Variants in LRRC37A2 observed in about 807,000 individuals in gnomAD.
LRRC37A2 encodes the protein leucine-rich repeat-containing protein 37A2.
A neutral mutation model predicts 68.8 loss-of-function variants in LRRC37A2; 9 were observed. The observed-to-expected ratio is 0.13, with a 90% CI of 0.08 to 0.23. The LOEUF is 0.23. Ranked by LOEUF, LRRC37A2 falls within the 10% of genes least tolerant of loss-of-function variation. The probability of loss-of-function intolerance (pLI) is 1.00; values close to 1 mark genes in which losing one functional copy is unlikely to be tolerated. For missense variants in LRRC37A2, 168 were observed against 950.4 expected (o/e 0.18, Z 10.82); for synonymous variants, 63 against 367.6 (o/e 0.17, Z 9.48).
chr17:46,795,544 A>G, the LRRC37A2 span, among the ~76,000 whole-genome samples: 1 of 152,168 alleles, frequency 6.6e-6, no homozygotes, highest in African/African-American at 2.4e-5. Flanking sequence ...CCTCAGGAAC[A>G]TGTGGCTACC....
At chr17:47,017,520 C>T in the LRRC37A2 span, 8 of 1,590,156 alleles carry the variant, frequency 5.0e-6, no homozygotes, top group Admixed American at 3.4e-5. Context: ...GGTTCCATTC[C>T]TGGACACCTG....
At chr17:46,802,746 C>T in the LRRC37A2 span, among the ~76,000 whole-genome samples, 9 of 152,298 alleles carry the variant, frequency 5.9e-5, no homozygotes, top group African/African-American at 9.6e-5. Flanking sequence ...TAGCGGAACA[C>T]GTGGAGGTTC....
At chr17:46,978,887 CT>C in the LRRC37A2 span, 1 of 1,538,884 alleles carries the variant, frequency 6.5e-7, no homozygotes, top group Non-Finnish European at 8.7e-7. Context: ...GGTGCGCCCC[CT>C]GGACAGCAGC....
At chr17:46,979,058 G>A in the LRRC37A2 span, 1 of 1,330,500 alleles carries the variant, frequency 7.5e-7, no homozygotes, top group Non-Finnish European at 9.5e-7. Context: ...GCACTGGGCT[G>A]CTCGCCGGGG....
chr17:46,875,419 G>A, the LRRC37A2 span: 2 of 1,514,324 alleles, frequency 1.3e-6, no homozygotes, highest in Non-Finnish European at 1.8e-6. Context: ...TACACAGCTG[G>A]GGAGCATGGC....
At chr17:46,889,513 T>G in the LRRC37A2 span, among the ~76,000 whole-genome samples, 1 of 152,184 alleles carries the variant, frequency 6.6e-6, no homozygotes, top group African/African-American at 2.4e-5. Flanking sequence ...GTCATGGCCA[T>G]CAGCCCCCAG....
the LRRC37A2 span, among the ~76,000 whole-genome samples, chr17:46,915,686 C>G: frequency 6.6e-6 from 1 of 152,346 alleles, no homozygotes; most frequent in African/African-American, 2.4e-5. Context: ...TGGCTGGGAT[C>G]ATCCCAGTTG....
the LRRC37A2 span, among the ~76,000 whole-genome samples, chr17:46,869,716 G>A: frequency 1.3e-5 from 2 of 152,170 alleles, no homozygotes; most frequent in Non-Finnish European, 2.9e-5. Context: ...AACACAGCTT[G>A]GGCAGGGTGC....
At chr17:46,712,405 T>A in the LRRC37A2 span, among the ~76,000 whole-genome samples, 2 of 152,138 alleles carry the variant, frequency 1.3e-5, no homozygotes, top group Admixed American at 6.5e-5. Context: ...CCTAGAAATA[T>A]TTGTTAGATT....
At chr17:46,671,939 C>T in the LRRC37A2 span, among the ~76,000 whole-genome samples, 2 of 143,758 alleles carry the variant, frequency 1.4e-5, no homozygotes, top group Non-Finnish European at 3.1e-5. Flanking sequence ...TAAGCACGGT[C>T]CATAAATTAA....
At chr17:46,845,803 T>C in the LRRC37A2 span, among the ~76,000 whole-genome samples, 1 of 147,834 alleles carries the variant, frequency 6.8e-6, no homozygotes, top group East Asian at 2.0e-4. Context: ...TTTTTTTTTT[T>C]TTTTTGAGAT....
chr17:47,025,958 TG>T, the LRRC37A2 span, among the ~76,000 whole-genome samples: 1 of 134,146 alleles, frequency 7.5e-6, no homozygotes, highest in African/African-American at 2.9e-5. Context: ...GTTTTAAACA[TG>T]GTGGGCAATG....
At chr17:46,977,142 TCC>T in the LRRC37A2 span, among the ~76,000 whole-genome samples, 5 of 151,924 alleles carry the variant, frequency 3.3e-5, no homozygotes, top group Non-Finnish European at 5.9e-5. Context: ...TTCGAGAAAC[TCC>T]CCCACCCCAC....
the LRRC37A2 span, among the ~76,000 whole-genome samples, chr17:46,827,240 C>G: frequency 8.5e-5 from 13 of 152,188 alleles, no homozygotes; most frequent in African/African-American, 3.1e-4. Context: ...TGATCTAAGT[C>G]AATCACGGGG....
chr17:46,866,755 G>A, the LRRC37A2 span, among the ~76,000 whole-genome samples: 624 of 152,178 alleles, frequency 4.1e-3, 1 homozygote, highest in African/African-American at 0.014. Context: ...GCATTACCTG[G>A]TGCCCTAGAA....
At chr17:46,772,696 G>A in the LRRC37A2 span, among the ~76,000 whole-genome samples, 3 of 152,186 alleles carry the variant, frequency 2.0e-5, no homozygotes, top group Non-Finnish European at 4.4e-5. Context: ...CTGTAGGTGG[G>A]ACAGACCCTG....
chr17:46,721,406 C>G, the LRRC37A2 span, among the ~76,000 whole-genome samples: 1 of 152,112 alleles, frequency 6.6e-6, no homozygotes. Flanking sequence ...TTCTTCAGTT[C>G]TTCCTGTTTT....
chr17:47,012,905 C>T, the LRRC37A2 span, among the ~76,000 whole-genome samples: 5 of 152,178 alleles, frequency 3.3e-5, no homozygotes, highest in South Asian at 2.1e-4. Flanking sequence ...AAAACTTATA[C>T]GTGAATGTCC....
chr17:46,883,224 C>T, the LRRC37A2 span, among the ~76,000 whole-genome samples: 2 of 150,674 alleles, frequency 1.3e-5, no homozygotes, highest in South Asian at 2.1e-4. Context: ...CCTCGTGATC[C>T]GCCCACCTCA....
Sources: gnomAD v4.1 joint callset for allele counts (sites outside exome capture counted in the v4.1 genomes callset) on GRCh38, gnomAD v4.1.1 for gene constraint, MANE v1.5 for transcripts, NCBI Gene and HGNC (gene_info 2026-07-23, HGNC 2026-07-21) for gene names.